DDX60L: variants seen among roughly 807,000 people sequenced by gnomAD.
DDX60L encodes the protein probable ATP-dependent RNA helicase DDX60-like.
Under a neutral mutation model 211.6 loss-of-function variants are expected in DDX60L, and 191 were observed. The observed-to-expected ratio is 0.90, with a 90% CI of 0.80 to 1.02. The LOEUF is 1.02. Ranked by LOEUF, DDX60L falls within the 50% of genes least tolerant of loss-of-function variation. The pLI is 0.00. For synonymous variants in DDX60L, 706 were observed against 694.1 expected (o/e 1.02, Z -0.27); for missense variants, 2,007 against 1,984.1 (o/e 1.01, Z -0.22).
chr4:168,450,103 A>G (rs1376170688), intron 8 of DDX60L, among the ~76,000 whole-genome samples: 1 of 152,206 alleles, frequency 6.6e-6, no homozygotes, highest in South Asian at 2.1e-4. Context: ...AAGATTAGAA[A>G]TTATGGCTTA....
chr4:168,390,364 C>T (rs1388905117), intron 29 of DDX60L: 2 of 1,177,870 alleles, frequency 1.7e-6, no homozygotes, highest in Non-Finnish European at 2.1e-6. Context: ...TTTTTCATAA[C>T]AGAACATGGT....
intron 5 of DDX60L, among the ~76,000 whole-genome samples, chr4:168,460,660 C>T (rs1757205732): frequency 6.6e-6 from 1 of 152,082 alleles, no homozygotes; most frequent in South Asian, 2.1e-4. Flanking sequence ...CAATAATTGC[C>T]TAATTCTCTC....
chr4:168,409,568 G>C (rs1024230061), intron 22 of DDX60L, among the ~76,000 whole-genome samples: 4 of 152,164 alleles, frequency 2.6e-5, no homozygotes, highest in Admixed American at 2.0e-4. Context: ...GGGAGGGATA[G>C]GGACAGAAAT....
At chr4:168,369,625 A>C (rs920713804) in intron 36 of DDX60L, among the ~76,000 whole-genome samples, 2 of 152,212 alleles carry the variant, frequency 1.3e-5, no homozygotes, top group African/African-American at 4.8e-5. Context: ...ACAGTAAAGA[A>C]AACAACAGAG....
chr4:168,411,122 T>C (rs914753718), intron 22 of DDX60L, among the ~76,000 whole-genome samples: 2 of 152,192 alleles, frequency 1.3e-5, no homozygotes, highest in Admixed American at 6.5e-5. Flanking sequence ...ATGAAGTCCA[T>C]CCTTGATGTC....
At position 168,379,774 on chromosome 4, in the gene DDX60L, C is replaced by T; in HGVS notation, c.4173G>A (p.Glu1391=). The change falls in exon 31 of 38, where the codon GAG becomes GAA. Residue 1391 remains glutamate, a synonymous_variant. Coordinates refer to ENST00000682922, the MANE Select transcript of DDX60L (RefSeq NM_001012967.3). Reference sequence around the variant, plus strand: ...AAAACAAAAAGTAAAGTTTCAAAGTCTCCATGGCTCTTCGTCTCTTAAAAG... The same window carrying T: ...AAAACAAAAAGTAAAGTTTCAAAGTTTCCATGGCTCTTCGTCTCTTAAAAG... ...LLSFKRRRAM[E]TLKLYFLFSL... The T allele has an allele frequency of 6.2e-7, 1 of 1,613,282 alleles. No homozygotes were observed. The highest frequency in any genetic ancestry group is 8.5e-7 in the Non-Finnish European group (1 of 1,179,526).
chr4:168,466,970 C>T (rs540509675), intron 4 of DDX60L, among the ~76,000 whole-genome samples: 4 of 152,114 alleles, frequency 2.6e-5, no homozygotes, highest in East Asian at 1.9e-4. Context: ...TGTTAGAACA[C>T]GTTTTGTTAG....
At chr4:168,391,046 C>T (rs1744725314) in intron 29 of DDX60L, among the ~76,000 whole-genome samples, 1 of 151,930 alleles carries the variant, frequency 6.6e-6, no homozygotes, top group Admixed American at 6.6e-5. Context: ...TCAATGACTC[C>T]TAATTACTCA....
intron 26 of DDX60L, among the ~76,000 whole-genome samples, chr4:168,397,088 A>G (rs1016969894): frequency 3.3e-5 from 5 of 152,206 alleles, no homozygotes; most frequent in Non-Finnish European, 7.3e-5. Flanking sequence ...CCAAGTAAGG[A>G]CACAGAGAAG....
At chr4:168,412,348 GA>G (rs1554003857) in intron 22 of DDX60L, among the ~76,000 whole-genome samples, 1 of 152,114 alleles carries the variant, frequency 6.6e-6, no homozygotes, top group Non-Finnish European at 1.5e-5. Context: ...CTGGGCCAGA[GA>G]AAAGCCTGTT....
At chr4:168,409,455 G>C (rs1748306600) in intron 22 of DDX60L, among the ~76,000 whole-genome samples, 1 of 152,246 alleles carries the variant, frequency 6.6e-6, no homozygotes, top group South Asian at 2.1e-4. Flanking sequence ...CTAAAAACTT[G>C]CTGAAAATTC....
intron 1 of DDX60L, among the ~76,000 whole-genome samples, chr4:168,477,099 T>A (rs1287174392): frequency 6.6e-6 from 1 of 152,208 alleles, no homozygotes; most frequent in African/African-American, 2.4e-5. Flanking sequence ...AGCATTCCCT[T>A]ACTGCTACAG....
At chr4:168,448,587 G>T (rs1220301218) in intron 9 of DDX60L, 51 bp downstream of exon 9, 1 of 1,382,872 alleles carries the variant, frequency 7.2e-7, no homozygotes, top group Non-Finnish European at 9.8e-7. Flanking sequence ...ATTTATAAGG[G>T]TTTTATATAA....
chr4:168,418,435 G>A (rs1015447208), intron 19 of DDX60L, among the ~76,000 whole-genome samples: 1 of 152,188 alleles, frequency 6.6e-6, no homozygotes, highest in South Asian at 2.1e-4. Context: ...CAAGGTTCTA[G>A]ATCATAAAGA....
intron 9 of DDX60L, among the ~76,000 whole-genome samples, 192 bp downstream of exon 9, chr4:168,448,446 G>GCATAT (rs1755159977): frequency 6.6e-6 from 1 of 151,972 alleles, no homozygotes; most frequent in Admixed American, 6.5e-5. Flanking sequence ...TCATATCATA[G>GCATAT]CATATCATAT....
chr4:168,406,109 T>C (rs1268167669), intron 23 of DDX60L, 31 bp from the exon 24 acceptor site: 1 of 1,579,362 alleles, frequency 6.3e-7, no homozygotes, highest in Admixed American at 1.9e-5. Context: ...AAAATTAAGC[T>C]AAGCTATGCA....
At chr4:168,432,256 GTA>G (rs372165789) in intron 12 of DDX60L, among the ~76,000 whole-genome samples, 197 bp downstream of exon 12, 3 of 147,076 alleles carry the variant, frequency 2.0e-5, no homozygotes, top group African/African-American at 2.5e-5. Flanking sequence ...GTGTGTGTGT[GTA>G]TATATATATA....
chr4:168,429,191 C>T (rs1018285796), intron 13 of DDX60L, among the ~76,000 whole-genome samples: 3 of 152,052 alleles, frequency 2.0e-5, no homozygotes, highest in Admixed American at 2.0e-4. Context: ...ATCACCAAGG[C>T]TGGAGTGCAG....
rs553683964 is a variant in DDX60L, at chr4:168,406,582, A to C, written c.3084+20T>G. 1.3e-6 allele frequency: 2 copies of C among 1,531,082 alleles called. No homozygotes were observed. The highest frequency in any genetic ancestry group is 2.4e-5 in the South Asian group (2 of 83,706). The allele number at this position is 1,531,082 out of a possible 1,614,324, so 94.8% of individuals were successfully genotyped here. A position where few individuals can be genotyped will look rare whatever the true frequency, so the allele number is the denominator to read the frequency against. On this transcript the variant is annotated intron_variant, in intron 23 of 37. Transcript: ENST00000682922. The stretch of plus-strand genomic sequence containing the variant: ...CATTAACTAAAGTTCATTTTGGTGA[A>C]TATATATTTCTATATTTACCTGAGC...
Sources: allele counts gnomAD v4.1 joint callset (sites outside exome capture counted in the v4.1 genomes callset), GRCh38; gene constraint gnomAD v4.1.1; transcripts MANE v1.5; gene names NCBI Gene and HGNC (gene_info 2026-07-23, HGNC 2026-07-21).